Variants in GPSM2 observed in about 807,000 individuals in gnomAD.
GPSM2 encodes the protein G protein-signaling modulator 2.
In GPSM2, 58 loss-of-function variants were observed where a neutral mutation model predicts 78.4. The observed-to-expected ratio is 0.74, with a 90% CI of 0.60 to 0.92. The LOEUF is 0.92. Ranked by LOEUF, GPSM2 falls within the 40% of genes least tolerant of loss-of-function variation. GPSM2 has a pLI of 0.00. For synonymous variants in GPSM2, 224 were observed against 280.2 expected (o/e 0.80, Z 2.00); for missense variants, 700 against 815.5 (o/e 0.86, Z 1.73).
intron 12 of GPSM2, 42 bp downstream of exon 12, chr1:108,918,831 C>T (rs370241851): frequency 1.4e-4 from 193 of 1,355,884 alleles, no homozygotes; most frequent in Admixed American, 3.0e-4. Context: ...TTTTGAGTAC[C>T]GACATTTGGG....
intron 14 of GPSM2, 143 bp from the exon 15 acceptor site, chr1:108,929,555 GAAC>G (rs1395609796): frequency 9.0e-5 from 65 of 722,184 alleles, no homozygotes; most frequent in Non-Finnish European, 1.3e-4. Context: ...GAACTAAAGA[GAAC>G]AATATAAAAA....
rs776919522 is a variant in GPSM2 at position 108,896,991 on chromosome 1, A to C, written c.184A>C (p.Ser62Arg). 2 of 1,613,896 alleles carry C rather than the reference A, an allele frequency of 1.2e-6. No homozygotes were observed. The highest frequency in any genetic ancestry group is 1.7e-6 in the Non-Finnish European group (2 of 1,179,838). Residue 62 changes from serine (S) to arginine (R), a missense_variant, in exon 3 of 15, where the codon AGC (serine) becomes CGC (arginine). By Grantham distance (110) the Ser-to-Arg change is moderately radical. Coordinates refer to ENST00000264126, the MANE Select transcript of GPSM2 (RefSeq NM_013296.5). ...TGGAACTGAAGACCTAAAAACACTT[A>C]GCGCTATTTACAGCCAGTTGGGCAA... The part of the protein sequence containing the change: ...QVGTEDLKTL[S>R]AIYSQLGNAY...
At chr1:108,901,542 C>T (rs1190566153) in intron 7 of GPSM2, among the ~76,000 whole-genome samples, 1 of 152,064 alleles carries the variant, frequency 6.6e-6, no homozygotes, top group Non-Finnish European at 1.5e-5. Context: ...TTCAATACTC[C>T]TTTACTTTGA....
At chr1:108,902,678 A>G (rs1648911398) in intron 8 of GPSM2, among the ~76,000 whole-genome samples, 1 of 152,196 alleles carries the variant, frequency 6.6e-6, no homozygotes, top group African/African-American at 2.4e-5. Context: ...TAGAAGATCG[A>G]TTTTGTTTTT....
intron 10 of GPSM2, among the ~76,000 whole-genome samples, chr1:108,911,176 G>A (rs1160366640): frequency 6.6e-6 from 1 of 152,124 alleles, no homozygotes; most frequent in Non-Finnish European, 1.5e-5. Flanking sequence ...CCAAAAGACA[G>A]TCAGTATAGC....
chr1:108,932,944 TGGA>T lies in GPSM2; in HGVS notation c.*3006_*3008del, dbSNP rs1652259296. On this transcript the variant is annotated 3_prime_UTR_variant, in exon 15 of 15. Coordinates refer to ENST00000264126, the MANE Select transcript of GPSM2 (RefSeq NM_013296.5). ...CAAGGTCTTGCTCTGTCACCCAGGC[TGGA>T]GTACAGTGGCTCGATCATAACTCAC... The T allele has an allele frequency of 6.6e-6, 1 of 152,276 alleles. No individual in the cohort carries two copies. The highest frequency in any genetic ancestry group is 2.4e-5 in the African/African-American group (1 of 41,476). The allele number at this position is 152,276 out of a possible 1,614,324, so 9.4% of individuals were successfully genotyped here. A position where few individuals can be genotyped will look rare whatever the true frequency, so the allele number is the denominator to read the frequency against.
intron 14 of GPSM2, among the ~76,000 whole-genome samples, chr1:108,928,224 A>C (rs189956456): frequency 1.4e-3 from 211 of 152,388 alleles, no homozygotes; most frequent in Non-Finnish European, 1.8e-3. Context: ...AACCTGATTC[A>C]AAAATGGGCA....
chr1:108,879,941 G>A (rs1265075431), intron 1 of GPSM2, among the ~76,000 whole-genome samples: 1 of 152,126 alleles, frequency 6.6e-6, no homozygotes, highest in African/African-American at 2.4e-5. Flanking sequence ...TGCTTATCCT[G>A]GAACACATTC....
intron 11 of GPSM2, among the ~76,000 whole-genome samples, chr1:108,916,606 CTAA>C (rs1285187082): frequency 6.6e-6 from 1 of 152,154 alleles, no homozygotes; most frequent in Non-Finnish European, 1.5e-5. Context: ...TAGGAACATA[CTAA>C]TAAGTAGCAA....
intron 8 of GPSM2, 73 bp downstream of exon 8, chr1:108,902,018 T>G: frequency 9.1e-7 from 1 of 1,099,010 alleles, no homozygotes; most frequent in African/African-American, 1.5e-5. Context: ...AATTTTTCCT[T>G]TGTTTCTTTT....
intron 12 of GPSM2, among the ~76,000 whole-genome samples, chr1:108,919,904 G>C (rs1277424769): frequency 3.3e-5 from 5 of 151,734 alleles, no homozygotes; most frequent in African/African-American, 1.2e-4. Context: ...AGTGGCTCAT[G>C]CCTGTAATCC....
chr1:108,890,381 G>A (rs778361924), intron 2 of GPSM2, among the ~76,000 whole-genome samples: 1 of 152,236 alleles, frequency 6.6e-6, no homozygotes, highest in Non-Finnish European at 1.5e-5. Context: ...CAGTAGATAA[G>A]TAGGAATGGC....
intron 14 of GPSM2, 196 bp from the exon 15 acceptor site, chr1:108,929,505 T>C: frequency 1.6e-6 from 1 of 612,640 alleles, no homozygotes; most frequent in Non-Finnish European, 2.9e-6. Flanking sequence ...TTTTATGCAG[T>C]TTCAGGTTTA....
intron 2 of GPSM2, among the ~76,000 whole-genome samples, chr1:108,886,656 C>A (rs536883936): frequency 6.6e-6 from 1 of 152,324 alleles, no homozygotes; most frequent in East Asian, 1.9e-4. Flanking sequence ...CCTTTGGCTA[C>A]ACCTTATATA....
chr1:108,928,377 G>A (rs1651319328), intron 14 of GPSM2, among the ~76,000 whole-genome samples: 1 of 152,206 alleles, frequency 6.6e-6, no homozygotes, highest in African/African-American at 2.4e-5. Context: ...TAGGAACTAA[G>A]TGCCCAAGTG....
chr1:108,913,797 CTG>C lies in GPSM2; in HGVS notation c.1193-539_1193-538del, dbSNP rs1404055693. On this transcript the variant is annotated intron_variant, in intron 10 of 14. Coordinates refer to ENST00000264126, the MANE Select transcript of GPSM2 (RefSeq NM_013296.5). ...AACATTGAATGGATATGGAAATTCTCTGTATTTAATAACTTTATTGAAAAAAG... is the reference window on the plus strand; with the variant it reads ...AACATTGAATGGATATGGAAATTCTCTATTTAATAACTTTATTGAAAAAAG... Among the ~76,000 whole-genome samples the C allele has an allele frequency of 3.3e-5, 5 of 152,018 alleles. No homozygotes were observed. In the East Asian group the frequency reaches 5.8e-4, roughly 18 times the overall value.
In GPSM2 at chr1:108,904,273, A is replaced by G; in HGVS notation, c.1192+19A>G. On this transcript the variant is annotated intron_variant, in intron 10 of 14. Coordinates refer to ENST00000264126, the MANE Select transcript of GPSM2 (RefSeq NM_013296.5). ...TTGAATGGTAAGTAATAGGACTTTTAAAACCCAATTTTTTTATCCTCAATA... is the reference window on the plus strand; with the variant it reads ...TTGAATGGTAAGTAATAGGACTTTTGAAACCCAATTTTTTTATCCTCAATA... The G allele has an allele frequency of 1.3e-6, 2 of 1,498,104 alleles. No homozygotes were observed. Among genetic ancestry groups the G allele is most frequent in the African/African-American group, 1.4e-5 (1 of 72,588 alleles). The allele number at this position is 1,498,104 out of a possible 1,614,324, so 92.8% of individuals were successfully genotyped here.
In GPSM2 at chr1:108,877,049, G is replaced by A. The variant is rs997632582; in HGVS notation, c.-428G>A. ...CCCCTAGGTGGCGGAGGGACGCTCC[G>A]GGAAAGCGAGGGGCGCTACGAGCTC... On this transcript the variant is annotated 5_prime_UTR_variant, in exon 1 of 15. Coordinates refer to ENST00000264126, the MANE Select transcript of GPSM2 (RefSeq NM_013296.5). 2 of 152,330 alleles carry A rather than the reference G, an allele frequency of 1.3e-5. No homozygotes were observed. Among genetic ancestry groups the A allele is most frequent in the African/African-American group, 4.8e-5 (2 of 41,452 alleles). 9.4% of individuals were successfully genotyped at this position (152,330 alleles called of 1,614,324 possible). A position where few individuals can be genotyped will look rare whatever the true frequency, so the allele number is the denominator to read the frequency against.
intron 14 of GPSM2, chr1:108,924,416 C>G (rs570660548): frequency 1.6e-6 from 1 of 637,232 alleles, no homozygotes; most frequent in African/African-American, 1.8e-5. Flanking sequence ...TTTAAAGGAT[C>G]TTACATTTTA....
Sources: allele counts gnomAD v4.1 joint callset (sites outside exome capture counted in the v4.1 genomes callset), GRCh38; gene constraint gnomAD v4.1.1; transcripts MANE v1.5; gene names NCBI Gene and HGNC (gene_info 2026-07-23, HGNC 2026-07-21).